The following BRINP3 variants were observed in gnomAD, a reference collection of about 807,000 sequenced individuals.
BRINP3 encodes BMP/retinoic acid-inducible neural-specific protein 3.
In BRINP3, 19 loss-of-function variants were observed where a neutral mutation model predicts 71.0. The observed-to-expected ratio is 0.27, with a 90% CI of 0.19 to 0.39. The LOEUF (loss-of-function observed/expected upper bound fraction) is 0.39, where lower values mean the gene tolerates loss of function less well. Among genes scored for constraint, BRINP3 ranks in the 10% least tolerant of loss-of-function variants. The pLI is 1.00. For synonymous variants in BRINP3, 380 were observed against 337.7 expected (o/e 1.13, Z -1.37); for missense variants, 959 against 940.8 (o/e 1.02, Z -0.25).
At chr1:190,263,903 C>T (rs1286751039) in intron 4 of BRINP3, among the ~76,000 whole-genome samples, 2 of 152,080 alleles carry the variant, frequency 1.3e-5, no homozygotes, top group African/African-American at 2.4e-5. Flanking sequence ...AACTTTTCAA[C>T]TGACACAACA....
At chr1:190,346,908 T>C in intron 2 of BRINP3, among the ~76,000 whole-genome samples, 1 of 152,160 alleles carries the variant, frequency 6.6e-6, no homozygotes. Flanking sequence ...AAAAGTGTCC[T>C]ATATTTTTAT....
chr1:190,333,235 T>G (rs1571774654), intron 2 of BRINP3, among the ~76,000 whole-genome samples: 1 of 151,924 alleles, frequency 6.6e-6, no homozygotes, highest in Admixed American at 6.6e-5. Flanking sequence ...AAAAATGATC[T>G]CCAGGTATAC....
chr1:190,192,225 T>TA (rs983589896), intron 6 of BRINP3, among the ~76,000 whole-genome samples: 3 of 152,158 alleles, frequency 2.0e-5, no homozygotes, highest in Non-Finnish European at 4.4e-5. Context: ...TTAAGCATGT[T>TA]AAAAAATATT....
At chr1:190,282,033 C>A (rs1266425362) in intron 2 of BRINP3, among the ~76,000 whole-genome samples, 1 of 151,400 alleles carries the variant, frequency 6.6e-6, no homozygotes, top group Non-Finnish European at 1.5e-5. Context: ...TTTATTATGC[C>A]TAGAATATGA....
intron 4 of BRINP3, among the ~76,000 whole-genome samples, chr1:190,253,876 C>A (rs984582886): frequency 3.3e-5 from 5 of 152,118 alleles, no homozygotes; most frequent in African/African-American, 1.2e-4. Flanking sequence ...CCTAGGTTTT[C>A]TTCTAGGGTT....
chr1:190,464,118 ATT>A (rs1414332436), intron 1 of BRINP3, among the ~76,000 whole-genome samples: 1 of 151,014 alleles, frequency 6.6e-6, no homozygotes, highest in Non-Finnish European at 1.5e-5. Flanking sequence ...TATAACAAAA[ATT>A]ACGTCTTTCA....
chr1:190,403,603 G>A (rs1248776381), intron 2 of BRINP3, among the ~76,000 whole-genome samples: 1 of 152,104 alleles, frequency 6.6e-6, no homozygotes, highest in African/African-American at 2.4e-5. Flanking sequence ...TAGATGAATG[G>A]TTTAATGATC....
intron 2 of BRINP3, among the ~76,000 whole-genome samples, chr1:190,453,775 T>A (rs1369064258): frequency 1.3e-5 from 2 of 152,108 alleles, no homozygotes; most frequent in African/African-American, 2.4e-5. Context: ...ACATAAAACA[T>A]AAAATAAAAT....
chr1:190,409,816 C>G (rs754559829), intron 2 of BRINP3, among the ~76,000 whole-genome samples: 13 of 151,858 alleles, frequency 8.6e-5, no homozygotes, highest in Non-Finnish European at 7.4e-5. Context: ...GGGCCATATC[C>G]TGATAAAAAT....
At chr1:190,290,491 G>T (rs1451242941) in intron 2 of BRINP3, among the ~76,000 whole-genome samples, 2 of 152,048 alleles carry the variant, frequency 1.3e-5, no homozygotes, top group Admixed American at 6.6e-5. Context: ...TATTTGACTA[G>T]TTTTCTCCTA....
At chr1:190,426,165 A>G (rs1161830833) in intron 2 of BRINP3, among the ~76,000 whole-genome samples, 1 of 151,778 alleles carries the variant, frequency 6.6e-6, no homozygotes. Context: ...CCAAAGGCAG[A>G]GTATAATTTC....
chr1:190,136,312 A>G (rs576650653), intron 7 of BRINP3, among the ~76,000 whole-genome samples: 6 of 152,240 alleles, frequency 3.9e-5, no homozygotes, highest in Admixed American at 3.9e-4. Context: ...AGATCTAACA[A>G]CCATTGTTTA....
intron 7 of BRINP3, among the ~76,000 whole-genome samples, chr1:190,131,274 A>C (rs1654522080): frequency 6.6e-6 from 1 of 151,758 alleles, no homozygotes; most frequent in Non-Finnish European, 1.5e-5. Flanking sequence ...AAGTGGATAT[A>C]GGATGTTTTG....
At chr1:190,360,912 G>A (rs2102120413) in intron 2 of BRINP3, among the ~76,000 whole-genome samples, 1 of 152,196 alleles carries the variant, frequency 6.6e-6, no homozygotes, top group South Asian at 2.1e-4. Context: ...CAATATTAAA[G>A]GGGCATCAAT....
chr1:190,193,721 C>T lies in BRINP3; in HGVS notation c.961+32361G>A, dbSNP rs548186385. ...TAGAGCCTTTACTTTAGAAAACTTT[C>T]AACTGTAAACTCTTTCCCTGTTCCT... On this transcript the variant is annotated intron_variant, in intron 6 of 7. Coordinates refer to ENST00000367462, the MANE Select transcript of BRINP3 (RefSeq NM_199051.3). 1.1e-4 allele frequency among the ~76,000 whole-genome samples: 17 copies of T among 152,198 alleles called. No homozygotes were observed. The South Asian group carries it at 3.5e-3, about 32-fold the overall frequency.
chr1:190,110,930 T>A, intron 7 of BRINP3, among the ~76,000 whole-genome samples: 1 of 152,212 alleles, frequency 6.6e-6, no homozygotes, highest in East Asian at 1.9e-4. Flanking sequence ...CAGAATACAC[T>A]ATTTTATTAA....
chr1:190,417,172 C>T (rs987068807), intron 2 of BRINP3, among the ~76,000 whole-genome samples: 1 of 151,288 alleles, frequency 6.6e-6, no homozygotes, highest in African/African-American at 2.4e-5. Context: ...AAATCACAAA[C>T]TAAGGTAAAT....
intron 2 of BRINP3, among the ~76,000 whole-genome samples, chr1:190,341,590 T>C (rs1365974639): frequency 6.6e-6 from 1 of 151,716 alleles, no homozygotes; most frequent in Non-Finnish European, 1.5e-5. Context: ...ACCACACATA[T>C]ATTTACAGAA....
At chr1:190,423,437 T>C (rs1673505898) in intron 2 of BRINP3, among the ~76,000 whole-genome samples, 1 of 151,768 alleles carries the variant, frequency 6.6e-6, no homozygotes, top group South Asian at 2.1e-4. Flanking sequence ...GAGAAAGTAT[T>C]AAATAAACAT....
Sources: gnomAD v4.1 joint callset for allele counts (sites outside exome capture counted in the v4.1 genomes callset) on GRCh38, gnomAD v4.1.1 for gene constraint, MANE v1.5 for transcripts, NCBI Gene and HGNC (gene_info 2026-07-23, HGNC 2026-07-21) for gene names.